RARB: variants seen among roughly 807,000 people sequenced by gnomAD.
The protein encoded by RARB is retinoic acid receptor beta.
A neutral mutation model predicts 51.9 loss-of-function variants in RARB; 17 were observed. That is an observed-to-expected ratio of 0.33 (90% CI 0.22 to 0.49). The LOEUF is 0.49. Ranked by LOEUF, RARB falls within the 20% of genes least tolerant of loss-of-function variation. The pLI is 0.99. For synonymous variants in RARB, 215 were observed against 195.4 expected (o/e 1.10, Z -0.84); for missense variants, 369 against 550.8 (o/e 0.67, Z 3.30).
chr3:25,407,162 TCCCCAC>T, intron 5 of RARB, among the ~76,000 whole-genome samples: 1 of 152,316 alleles, frequency 6.6e-6, no homozygotes, highest in South Asian at 2.1e-4. Context: ...CTTCGGCAGT[TCCCCAC>T]TGCCTATAGT....
At chr3:25,244,131 G>A (rs953624560) in intron 5 of RARB, among the ~76,000 whole-genome samples, 9 of 152,084 alleles carry the variant, frequency 5.9e-5, no homozygotes, top group African/African-American at 2.2e-4. Flanking sequence ...ATAGTAGTTT[G>A]TGTTTCTGTG....
At chr3:25,361,906 G>T (rs1350886377) in intron 5 of RARB, among the ~76,000 whole-genome samples, 1 of 152,122 alleles carries the variant, frequency 6.6e-6, no homozygotes, top group Admixed American at 6.5e-5. Context: ...TCCTGTTTGA[G>T]GTATCTGTCG....
At chr3:24,855,903 C>G (rs1380764135) in intron 1 of RARB, among the ~76,000 whole-genome samples, 1 of 151,994 alleles carries the variant, frequency 6.6e-6, no homozygotes, top group Non-Finnish European at 1.5e-5. Flanking sequence ...AGGCCCCCAC[C>G]ACCACGCCCA....
chr3:25,245,242 T>C (rs1702529507), intron 5 of RARB, among the ~76,000 whole-genome samples: 1 of 152,102 alleles, frequency 6.6e-6, no homozygotes, highest in African/African-American at 2.4e-5. Flanking sequence ...CACAGATGGG[T>C]TTTGATCTTT....
intron 2 of RARB, among the ~76,000 whole-genome samples, chr3:24,984,929 A>G (rs749489161): frequency 2.0e-5 from 3 of 152,212 alleles, no homozygotes; most frequent in Admixed American, 1.3e-4. Flanking sequence ...TGCCAACCAC[A>G]TGAGTTTCTC....
chr3:25,391,957 T>C (rs1706972834), intron 5 of RARB, among the ~76,000 whole-genome samples: 1 of 152,202 alleles, frequency 6.6e-6, no homozygotes, highest in Non-Finnish European at 1.5e-5. Flanking sequence ...GGACATGAAG[T>C]CTTTGCCTAA....
intron 3 of RARB, among the ~76,000 whole-genome samples, chr3:25,559,495 T>C (rs1412517302): frequency 6.6e-6 from 1 of 152,236 alleles, no homozygotes; most frequent in African/African-American, 2.4e-5. Flanking sequence ...GCTCAGTGCA[T>C]GATAGTTATT....
At chr3:25,367,437 C>T (rs1706155735) in intron 5 of RARB, among the ~76,000 whole-genome samples, 1 of 152,014 alleles carries the variant, frequency 6.6e-6, no homozygotes, top group African/African-American at 2.4e-5. Flanking sequence ...TATGCTTTGG[C>T]AAAGCATCTA....
chr3:25,284,515 C>T (rs1366833558), intron 5 of RARB, among the ~76,000 whole-genome samples: 1 of 151,866 alleles, frequency 6.6e-6, no homozygotes, highest in Non-Finnish European at 1.5e-5. Flanking sequence ...ATTTTTATTA[C>T]TCAAAGCTGA....
chr3:25,580,479 T>C lies in RARB; in HGVS notation c.610-67T>C. The C allele has an allele frequency of 1.2e-5, 17 of 1,388,206 alleles. No individual in the cohort carries two copies. The South Asian group carries it at 2.4e-4, about 20-fold the overall frequency. 86.0% of individuals were successfully genotyped at this position (1,388,206 alleles called of 1,614,324 possible). A position where few individuals can be genotyped will look rare whatever the true frequency, so the allele number is the denominator to read the frequency against. ...GTCACCCCCTCTAATTGGAAACACATTGAATTTCTCCCCTCCTATAGAGCT... is the reference window on the plus strand; with the variant it reads ...GTCACCCCCTCTAATTGGAAACACACTGAATTTCTCCCCTCCTATAGAGCT... On this transcript the variant is annotated intron_variant, in intron 4 of 7. Coordinates refer to ENST00000330688, the MANE Select transcript of RARB (RefSeq NM_000965.5).
chr3:24,855,215 A>G (rs920491256), intron 1 of RARB, among the ~76,000 whole-genome samples: 4 of 152,198 alleles, frequency 2.6e-5, no homozygotes, highest in African/African-American at 9.7e-5. Flanking sequence ...CTCACTGAGA[A>G]GGTGATCTGA....
At chr3:25,024,097 A>G (rs1697694400) in intron 2 of RARB, among the ~76,000 whole-genome samples, 1 of 152,196 alleles carries the variant, frequency 6.6e-6, no homozygotes, top group African/African-American at 2.4e-5. Context: ...CCATAATAAC[A>G]TGCTCTCCAA....
chr3:24,860,742 A>T (rs564289230), intron 2 of RARB, among the ~76,000 whole-genome samples: 90 of 152,296 alleles, frequency 5.9e-4, no homozygotes, highest in Admixed American at 1.3e-3. Context: ...AGACTATTTA[A>T]AAAGGAAAGC....
chr3:24,921,517 G>T (rs1695215923), intron 2 of RARB, among the ~76,000 whole-genome samples: 1 of 152,104 alleles, frequency 6.6e-6, no homozygotes, highest in South Asian at 2.1e-4. Context: ...GCCCACCATA[G>T]GTCCTTCTAA....
At chr3:25,435,804 A>G (rs899987405) in intron 1 of RARB, among the ~76,000 whole-genome samples, 5 of 152,236 alleles carry the variant, frequency 3.3e-5, no homozygotes, top group Admixed American at 2.6e-4. Flanking sequence ...GGATGATTTC[A>G]CATAGTGCAC....
At chr3:25,355,492 G>A (rs1251191203) in intron 5 of RARB, among the ~76,000 whole-genome samples, 1 of 151,878 alleles carries the variant, frequency 6.6e-6, no homozygotes, top group African/African-American at 2.4e-5. Context: ...GAGTTTATTT[G>A]GCTGGAGTTT....
chr3:25,437,293 A>C (rs1415720583), intron 1 of RARB, among the ~76,000 whole-genome samples: 4 of 152,080 alleles, frequency 2.6e-5, no homozygotes, highest in Non-Finnish European at 5.9e-5. Context: ...CAAATGATTG[A>C]CTTTTACAAG....
At chr3:25,237,935 A>T (rs1384993475) in intron 5 of RARB, among the ~76,000 whole-genome samples, 1 of 152,052 alleles carries the variant, frequency 6.6e-6, no homozygotes, top group Non-Finnish European at 1.5e-5. Context: ...AGTACATGTG[A>T]TACTTTGTTG....
chr3:25,084,288 C>T (rs1246438012), intron 3 of RARB, among the ~76,000 whole-genome samples: 1 of 152,144 alleles, frequency 6.6e-6, no homozygotes, highest in African/African-American at 2.4e-5. Flanking sequence ...ATGTGTTTCC[C>T]TTTCCTCAAG....
Sources: gnomAD v4.1 joint callset for allele counts (sites outside exome capture counted in the v4.1 genomes callset) on GRCh38, gnomAD v4.1.1 for gene constraint, MANE v1.5 for transcripts, NCBI Gene and HGNC (gene_info 2026-07-23, HGNC 2026-07-21) for gene names.